The following ARID1B variants were observed in gnomAD, a reference collection of about 807,000 sequenced individuals.
The protein encoded by ARID1B is AT-rich interaction domain 1B, also known as AT-rich interactive domain-containing protein 1B.
ARID1B carries 30 observed loss-of-function variants against 212.3 expected under a neutral mutation model. That is an observed-to-expected ratio of 0.14 (90% CI 0.11 to 0.19). The LOEUF is 0.19. ARID1B is among the 10% of genes least tolerant of loss of function. The pLI, the probability that ARID1B is intolerant of heterozygous loss-of-function variation, is 1.00. For missense variants in ARID1B, 2,891 were observed against 3,204.0 expected, an observed-to-expected ratio of 0.90 and a Z score of 2.36; for synonymous variants, 1,402 against 1,301.7, an observed-to-expected ratio of 1.08 and a Z score of -1.66.
At chr6:156,975,285 A>T (rs1175816472) in intron 4 of ARID1B, among the ~76,000 whole-genome samples, 2 of 151,988 alleles carry the variant, frequency 1.3e-5, no homozygotes, top group African/African-American at 4.8e-5. Context: ...CCATTTATAC[A>T]CCCTTTTTGG....
At chr6:156,995,206 A>C (rs1562535736) in intron 4 of ARID1B, among the ~76,000 whole-genome samples, 1 of 152,248 alleles carries the variant, frequency 6.6e-6, no homozygotes. Context: ...GAGGTGACGT[A>C]CGAATGAGCC....
intron 4 of ARID1B, among the ~76,000 whole-genome samples, chr6:157,037,244 A>G (rs1250155534): frequency 6.6e-6 from 1 of 152,190 alleles, no homozygotes; most frequent in Non-Finnish European, 1.5e-5. Flanking sequence ...AGTGTTATTC[A>G]TTGATTTATT....
At chr6:156,817,647 C>T (rs1260351017) in intron 1 of ARID1B, among the ~76,000 whole-genome samples, 1 of 151,474 alleles carries the variant, frequency 6.6e-6, no homozygotes, top group Non-Finnish European at 1.5e-5. Context: ...AAAAAAACCA[C>T]ACACACAAAA....
intron 1 of ARID1B, among the ~76,000 whole-genome samples, chr6:156,799,637 TG>T (rs1326227149): frequency 6.6e-6 from 1 of 152,108 alleles, no homozygotes; most frequent in Non-Finnish European, 1.5e-5. Context: ...CCACCATGCC[TG>T]GGTAATATTT....
chr6:156,886,749 C>A (rs1787538935), intron 2 of ARID1B, among the ~76,000 whole-genome samples: 1 of 152,172 alleles, frequency 6.6e-6, no homozygotes, highest in African/African-American at 2.4e-5. Context: ...TAAAGTAGTT[C>A]TTAATAATGT....
In ARID1B at chr6:156,829,261, C is replaced by G. The variant is rs2128045984; in HGVS notation, c.1826C>G (p.Pro609Arg). The G allele has an allele frequency of 6.2e-7, 1 of 1,614,150 alleles. No individual in the cohort carries two copies. Among genetic ancestry groups the G allele is most frequent in the Non-Finnish European group, 8.5e-7 (1 of 1,180,018 alleles). The change falls in exon 2 of 20, where the codon CCT becomes CGT. Residue 609 changes from proline to arginine, a missense_variant. Physicochemically the swap from Pro to Arg is moderately radical, Grantham distance 103 (BLOSUM62 -2). Coordinates refer to ENST00000636930, the MANE Select transcript of ARID1B (RefSeq NM_001374828.1). ...SPMDPMVMKRPQLYGMGSNPH... is the reference protein window; with the variant it reads ...SPMDPMVMKRRQLYGMGSNPH... Reference sequence around the variant, plus strand: ...ATGGATCCAATGGTGATGAAGAGACCTCAGTTGTATGGCATGGGCAGTAAC... The same window carrying G: ...ATGGATCCAATGGTGATGAAGAGACGTCAGTTGTATGGCATGGGCAGTAAC...
chr6:157,202,159 A>T (rs1794157142), intron 18 of ARID1B, among the ~76,000 whole-genome samples: 1 of 152,220 alleles, frequency 6.6e-6, no homozygotes, highest in Admixed American at 6.5e-5. Flanking sequence ...ACTTGGGCCA[A>T]GAACCATGTC....
chr6:156,978,660 G>T (rs922204921), intron 4 of ARID1B, among the ~76,000 whole-genome samples: 7 of 152,166 alleles, frequency 4.6e-5, no homozygotes, highest in African/African-American at 1.4e-4. Flanking sequence ...TTTTTAGTAT[G>T]TTGTTTTGTT....
intron 5 of ARID1B, among the ~76,000 whole-genome samples, chr6:157,090,046 C>T (rs189306494): frequency 1.3e-5 from 2 of 152,328 alleles, no homozygotes; most frequent in East Asian, 1.9e-4. Context: ...CTGAATGCAC[C>T]GCTGTTGCCA....
intron 4 of ARID1B, among the ~76,000 whole-genome samples, chr6:157,075,585 A>G (rs1784250833): frequency 6.6e-6 from 1 of 152,214 alleles, no homozygotes; most frequent in Non-Finnish European, 1.5e-5. Flanking sequence ...TGAGTAGAGT[A>G]TGGACAGGGA....
At chr6:157,096,642 G>C (rs557335049) in intron 5 of ARID1B, among the ~76,000 whole-genome samples, 1 of 152,352 alleles carries the variant, frequency 6.6e-6, no homozygotes, top group East Asian at 1.9e-4. Context: ...AGCATGGAGA[G>C]CTTAGCCGTG....
Position 157,196,166 on chromosome 6 carries a change from G to T in ARID1B, c.4233G>T (p.Val1411=), listed in dbSNP as rs2128355954. ...NKDPFGGMRK[V]PGSSEPFMTQ... Reference sequence around the variant, plus strand: ...TGCATTTTATTTAAAATATTGCAGTGCCTGGAAGCAGCGAGCCCTTTATGA... The same window carrying T: ...TGCATTTTATTTAAAATATTGCAGTTCCTGGAAGCAGCGAGCCCTTTATGA... Residue 1411 remains valine, a splice_region_variant and synonymous_variant, in exon 16 of 20, where the codon GTG becomes GTT. Coordinates refer to ENST00000636930, the MANE Select transcript of ARID1B (RefSeq NM_001374828.1). The T allele has an allele frequency of 6.2e-7, 1 of 1,612,412 alleles. No homozygotes were observed. The highest frequency in any genetic ancestry group is 8.5e-7 in the Non-Finnish European group (1 of 1,179,680).
intron 1 of ARID1B, among the ~76,000 whole-genome samples, chr6:156,796,698 G>A (rs1780404965): frequency 1.3e-5 from 2 of 152,172 alleles, no homozygotes; most frequent in Non-Finnish European, 1.5e-5. Context: ...CCTCTTCCAG[G>A]CATAGAGAAT....
At chr6:156,826,248 C>T (rs1407788720) in intron 1 of ARID1B, among the ~76,000 whole-genome samples, 1 of 152,232 alleles carries the variant, frequency 6.6e-6, no homozygotes, top group Non-Finnish European at 1.5e-5. Context: ...ATGGGTTCCT[C>T]CTGGCACAGT....
At chr6:157,038,126 T>C (rs976888694) in intron 4 of ARID1B, among the ~76,000 whole-genome samples, 4 of 152,228 alleles carry the variant, frequency 2.6e-5, no homozygotes, top group African/African-American at 9.6e-5. Context: ...TTGTTAAATT[T>C]TGAGTAAATT....
At chr6:157,144,125 G>C (rs1180245028) in intron 7 of ARID1B, among the ~76,000 whole-genome samples, 1 of 152,190 alleles carries the variant, frequency 6.6e-6, no homozygotes, top group Non-Finnish European at 1.5e-5. Context: ...GAGAGATGGA[G>C]GTAGGGTACA....
At chr6:157,005,137 TG>T (rs1333749791) in intron 4 of ARID1B, among the ~76,000 whole-genome samples, 2 of 74,764 alleles carry the variant, frequency 2.7e-5, no homozygotes, top group African/African-American at 9.0e-5. Context: ...TGTTTTTTGT[TG>T]TTGTTGTTGT....
chr6:157,009,236 T>C (rs1232238943), intron 4 of ARID1B, among the ~76,000 whole-genome samples: 2 of 152,194 alleles, frequency 1.3e-5, no homozygotes, highest in African/African-American at 2.4e-5. Context: ...ACAGTAGTTC[T>C]GTGTTGAGTA....
At chr6:157,163,459 G>C (rs1279150221) in intron 8 of ARID1B, among the ~76,000 whole-genome samples, 1 of 152,192 alleles carries the variant, frequency 6.6e-6, no homozygotes, top group South Asian at 2.1e-4. Context: ...TCAGGCCCAT[G>C]TTGCTTGTTC....
Sources: gnomAD v4.1 joint callset for allele counts (sites outside exome capture counted in the v4.1 genomes callset) on GRCh38, gnomAD v4.1.1 for gene constraint, MANE v1.5 for transcripts, NCBI Gene and HGNC (gene_info 2026-07-23, HGNC 2026-07-21) for gene names.